SLC25A14: variants seen among roughly 807,000 people sequenced by gnomAD.
SLC25A14 encodes the protein solute carrier family 25 member 14.
In SLC25A14, 8 loss-of-function variants were observed where a neutral mutation model predicts 28.1. That is an observed-to-expected ratio of 0.28 (90% CI 0.17 to 0.51). SLC25A14 has a LOEUF of 0.51. Among genes scored for constraint, SLC25A14 ranks in the 20% least tolerant of loss-of-function variants. The pLI is 0.97. For synonymous variants in SLC25A14, 74 were observed against 90.6 expected, an observed-to-expected ratio of 0.82 and a Z score of 1.04; for missense variants, 135 against 263.8, an observed-to-expected ratio of 0.51 and a Z score of 3.38.
intron 6 of SLC25A14, among the ~76,000 whole-genome samples, chrX:130,357,806 T>C (rs972690951): frequency 7.1e-5 from 8 of 112,158 alleles, no homozygotes; most frequent in Non-Finnish European, 1.5e-4. Context: ...ACCTTTTACA[T>C]GGCCATTTAA....
At chrX:130,369,253 C>T (rs1401978092) in intron 9 of SLC25A14, among the ~76,000 whole-genome samples, 8 of 110,711 alleles carry the variant, frequency 7.2e-5, no homozygotes, top group Non-Finnish European at 7.6e-5. Flanking sequence ...CACTGCACTC[C>T]AGTCTAGGCG....
At chrX:130,364,513 T>A in intron 7 of SLC25A14, 115 bp from the exon 8 acceptor site, 1 of 459,226 alleles carries the variant, frequency 2.2e-6, no homozygotes, top group Non-Finnish European at 3.7e-6. Flanking sequence ...GAGTGACGTC[T>A]GTACTTCAGA....
rs2033451662 is a variant in SLC25A14, at chrX:130,346,693, T to TGA, written c.317+5_317+6dup. 4.2e-6 allele frequency: 5 copies of TGA among 1,194,898 alleles called. No homozygotes were observed. The African/African-American group carries it at 8.7e-5, about 21-fold the overall frequency. ...AGGTGTATTGGCTCTCTATTCAGGG[T>TGA]GAGACTGGTTCTTTCCTTATATCAT... On this transcript the variant is annotated splice_region_variant and intron_variant, in intron 4 of 10. Coordinates refer to ENST00000545805, the MANE Select transcript of SLC25A14 (RefSeq NM_001282195.2).
intron 7 of SLC25A14, chrX:130,358,956 T>C: frequency 1.2e-6 from 1 of 846,697 alleles, no homozygotes; most frequent in Admixed American, 2.7e-5. Context: ...TTATTTGAGA[T>C]GGCTGTTTCG....
chrX:130,340,316 G>A lies in SLC25A14; in HGVS notation c.38G>A (p.Arg13Lys), dbSNP rs1365578901. Residue 13 changes from arginine to lysine, a missense_variant, in exon 2 of 11, where the codon AGG becomes AAG. Physicochemically the swap from Arg to Lys is conservative, Grantham distance 26. Coordinates refer to ENST00000545805, the MANE Select transcript of SLC25A14 (RefSeq NM_001282195.2). ...IFPGIILIFL[R>K]VKFATAAVIV... ...CCCGGAATAATCCTAATTTTTCTAAGGGTGAAGTTTGCAACGGCGGCCGTG... is the reference window on the plus strand; with the variant it reads ...CCCGGAATAATCCTAATTTTTCTAAAGGTGAAGTTTGCAACGGCGGCCGTG... 1.7e-5 allele frequency: 21 copies of A among 1,211,534 alleles called. No homozygotes were observed. In the East Asian group the frequency reaches 5.9e-4, roughly 34 times the overall value.
At chrX:130,340,379 G>C in intron 2 of SLC25A14, 26 bp downstream of exon 2, 4 of 1,208,905 alleles carry the variant, frequency 3.3e-6, no homozygotes, top group Non-Finnish European at 4.5e-6. Context: ...CATTGTATTA[G>C]TGTAAGGGAT....
chrX:130,363,730 T>G (rs1387594444), intron 7 of SLC25A14, among the ~76,000 whole-genome samples: 3 of 111,523 alleles, frequency 2.7e-5, no homozygotes, highest in African/African-American at 6.5e-5. Flanking sequence ...TTTTCTTTCT[T>G]AATTTTTTTA....
chrX:130,353,432 G>T (rs2033681576), intron 6 of SLC25A14, among the ~76,000 whole-genome samples: 1 of 111,101 alleles, frequency 9.0e-6, no homozygotes, highest in Admixed American at 9.5e-5. Flanking sequence ...AAATTATCAG[G>T]CCCCATCCAA....
Position 130,372,962 on chromosome X carries a change from T to C in SLC25A14, c.*12T>C. On this transcript the variant is annotated 3_prime_UTR_variant, in exon 11 of 11. Transcript: ENST00000545805. ...GGCTTCAAATCTAAGAACTGAATTATATGTGAGCCCAGCCCTGCCAGCCTT... is the reference window on the plus strand; with the variant it reads ...GGCTTCAAATCTAAGAACTGAATTACATGTGAGCCCAGCCCTGCCAGCCTT... The C allele has an allele frequency of 1.7e-6, 2 of 1,154,032 alleles. No individual in the cohort carries two copies. Among genetic ancestry groups the C allele is most frequent in the Non-Finnish European group, 2.4e-6 (2 of 848,534 alleles).
At chrX:130,365,813 C>G (rs1424067193) in intron 9 of SLC25A14, 137 bp downstream of exon 9, 3 of 474,609 alleles carry the variant, frequency 6.3e-6, no homozygotes, top group African/African-American at 4.9e-5. Context: ...CTCAGTTATT[C>G]CCAGGTAGAA....
At chrX:130,359,548 T>C (rs1039641544) in intron 7 of SLC25A14, among the ~76,000 whole-genome samples, 3 of 110,164 alleles carry the variant, frequency 2.7e-5, no homozygotes, top group Non-Finnish European at 5.7e-5. Context: ...CAGTCTTCTA[T>C]CTATACTTTG....
intron 7 of SLC25A14, among the ~76,000 whole-genome samples, chrX:130,363,891 G>A (rs1263420240): frequency 9.0e-6 from 1 of 110,800 alleles, no homozygotes; most frequent in Non-Finnish European, 1.9e-5. Flanking sequence ...ATGCCACCAT[G>A]CCTGGCTAAT....
At chrX:130,361,607 G>C (rs760078622) in intron 7 of SLC25A14, among the ~76,000 whole-genome samples, 15 of 112,167 alleles carry the variant, frequency 1.3e-4, no homozygotes, top group Non-Finnish European at 2.4e-4. Context: ...TAACTTCATT[G>C]TAAGAAAAAA....
chrX:130,373,302 G>A lies in SLC25A14; in HGVS notation c.*352G>A. 1 of 183,867 alleles carries A rather than the reference G, an allele frequency of 5.4e-6. No individual in the cohort carries two copies. Among genetic ancestry groups the A allele is most frequent in the Non-Finnish European group, 9.9e-6 (1 of 100,977 alleles). 15.2% of individuals were successfully genotyped at this position (183,867 alleles called of 1,213,427 possible). A position where few individuals can be genotyped will look rare whatever the true frequency, so the allele number is the denominator to read the frequency against. ...AGAGCAGAAGGCATAGGCCAGGGTGGTTATTGCTATATGTGTTACAGACCT... is the reference window on the plus strand; with the variant it reads ...AGAGCAGAAGGCATAGGCCAGGGTGATTATTGCTATATGTGTTACAGACCT... On this transcript the variant is annotated 3_prime_UTR_variant, in exon 11 of 11. Transcript: ENST00000545805.
At chrX:130,372,469 A>AT (rs200630411) in intron 10 of SLC25A14, among the ~76,000 whole-genome samples, 2,287 of 54,828 alleles carry the variant, frequency 0.042, 66 homozygotes, top group African/African-American at 0.1. Flanking sequence ...ATTTATTTTT[A>AT]TTTTTTTTTT....
At chrX:130,371,761 T>C (rs901624013) in intron 10 of SLC25A14, 117 bp downstream of exon 10, 8 of 494,227 alleles carry the variant, frequency 1.6e-5, no homozygotes, top group Non-Finnish European at 1.4e-5. Flanking sequence ...AGCATCCCAT[T>C]GGTGACCCTT....
rs368952448 is a variant in SLC25A14, at chrX:130,340,317, G to A, written c.39G>A (p.Arg13=). 1 of 1,209,502 alleles carries A rather than the reference G, an allele frequency of 8.3e-7. No individual in the cohort carries two copies. The highest frequency in any genetic ancestry group is 1.8e-5 in the African/African-American group (1 of 57,065). ...CCGGAATAATCCTAATTTTTCTAAG[G>A]GTGAAGTTTGCAACGGCGGCCGTGA... The part of the protein sequence containing the change: ...IFPGIILIFL[R]VKFATAAVIV... Residue 13 remains arginine (R), a synonymous_variant, in exon 2 of 11, where the codon AGG becomes AGA. Coordinates refer to ENST00000545805, the MANE Select transcript of SLC25A14 (RefSeq NM_001282195.2).
chrX:130,364,327 A>T (rs1427459178), intron 7 of SLC25A14, among the ~76,000 whole-genome samples: 1 of 111,418 alleles, frequency 9.0e-6, no homozygotes, highest in Non-Finnish European at 1.9e-5. Context: ...TTGACTCTTC[A>T]CTTTCTGAGT....
chrX:130,342,228 C>A (rs1043453351), intron 2 of SLC25A14, among the ~76,000 whole-genome samples: 4 of 111,479 alleles, frequency 3.6e-5, no homozygotes, highest in Non-Finnish European at 7.5e-5. Context: ...AAAGAAGGTT[C>A]AAAAAATATT....
Sources: allele counts gnomAD v4.1 joint callset (sites outside exome capture counted in the v4.1 genomes callset), GRCh38; gene constraint gnomAD v4.1.1; transcripts MANE v1.5; gene names NCBI Gene and HGNC (gene_info 2026-07-23, HGNC 2026-07-21).